KAT14: variants seen among roughly 807,000 people sequenced by gnomAD.
KAT14 encodes cysteine-rich protein 2-binding protein.
A neutral mutation model predicts 78.4 loss-of-function variants in KAT14; 66 were observed. That is an observed-to-expected ratio of 0.84 (90% CI 0.69 to 1.03). The LOEUF is 1.03. KAT14 is among the 50% of genes least tolerant of loss of function. The pLI is 0.00. For synonymous variants in KAT14, 344 were observed against 359.4 expected (o/e 0.96, Z 0.48); for missense variants, 870 against 972.5 (o/e 0.89, Z 1.40).
intron 1 of KAT14, 55 bp downstream of exon 1, chr20:18,138,106 G>A: frequency 2.0e-5 from 29 of 1,428,758 alleles, no homozygotes; most frequent in Non-Finnish European, 2.7e-5. Flanking sequence ...TCGACCTGGG[G>A]CCTCTCGTGG....
chr20:18,156,439 A>G (rs17803933), intron 4 of KAT14, among the ~76,000 whole-genome samples: 2,401 of 152,312 alleles, frequency 0.016, 36 homozygotes, highest in Admixed American at 0.039. Context: ...TATTGAGGCC[A>G]TTCATAAATA....
chr20:18,137,550 A>C (rs1185160266), upstream of KAT14, among the ~76,000 whole-genome samples: 1 of 152,186 alleles, frequency 6.6e-6, no homozygotes, highest in Non-Finnish European at 1.5e-5. Context: ...GGGGCTCAGA[A>C]GGGACGTCTG....
intron 4 of KAT14, among the ~76,000 whole-genome samples, chr20:18,155,109 T>C (rs572728223): frequency 1.1e-4 from 17 of 152,304 alleles, no homozygotes; most frequent in African/African-American, 4.1e-4. Flanking sequence ...GGTCTTGAAC[T>C]CCTGACCTCA....
At chr20:18,180,788 T>C (rs1324046168) in intron 7 of KAT14, among the ~76,000 whole-genome samples, 1 of 103,652 alleles carries the variant, frequency 9.6e-6, no homozygotes, top group Non-Finnish European at 2.3e-5. Flanking sequence ...TTGTGAGACT[T>C]ATTCACTACG....
At position 18,181,832 on chromosome 20, in the gene KAT14, G is replaced by A. The variant is rs756643472; in HGVS notation, c.1791G>A (p.Leu597=). The A allele has an allele frequency of 6.2e-7, 1 of 1,614,072 alleles. No homozygotes were observed. Among genetic ancestry groups the A allele is most frequent in the South Asian group, 1.1e-5 (1 of 91,074 alleles). Residue 597 remains leucine (L), a synonymous_variant, in exon 8 of 11, where the codon TTG becomes TTA. Coordinates refer to ENST00000688188, the MANE Select transcript of KAT14 (RefSeq NM_001392073.1). ...SIVSPYTSRI[L]KPYIRRDYET... is the part of the protein sequence containing the mutation. ...TCAGCCCTTATACCTCTCGGATCTTGAAACCTTATATCAGGTATATGGAGA... is the reference window on the plus strand; with the variant it reads ...TCAGCCCTTATACCTCTCGGATCTTAAAACCTTATATCAGGTATATGGAGA...
chr20:18,158,965 C>T, intron 4 of KAT14, 119 bp from the exon 5 acceptor site: 1 of 1,262,302 alleles, frequency 7.9e-7, no homozygotes, highest in East Asian at 2.7e-5. Flanking sequence ...GTGCTCTGCT[C>T]CTTCAGTAGC....
chr20:18,181,364 C>CTTTTTTTTTTTTTTTTTTT (rs762890490), intron 7 of KAT14, among the ~76,000 whole-genome samples: 1 of 106,800 alleles, frequency 9.4e-6, no homozygotes, highest in African/African-American at 3.7e-5. Flanking sequence ...AATTTTGTTT[C>CTTTTTTTTTTTTTTTTTTT]TTTTTTTTTT....
intron 7 of KAT14, among the ~76,000 whole-genome samples, chr20:18,178,971 T>TA (rs1441436779): frequency 6.6e-6 from 1 of 152,148 alleles, no homozygotes; most frequent in Non-Finnish European, 1.5e-5. Flanking sequence ...ATTGGGTAAA[T>TA]ACAGCAGTTC....
chr20:18,143,619 TTTTTTTTATTTTA>T (rs1204370417), intron 2 of KAT14, among the ~76,000 whole-genome samples: 1 of 122,730 alleles, frequency 8.1e-6, no homozygotes, highest in Non-Finnish European at 1.8e-5. Context: ...TGGCTAATTT[TTTTTTTTATTTTA>T]TTTTTTTTTT....
At position 18,159,679 on chromosome 20, in the gene KAT14, A is replaced by G. The variant is rs561381890; in HGVS notation, c.682+414A>G. On this transcript the variant is annotated intron_variant, in intron 5 of 10. Transcript: ENST00000688188. ...TCAGTACTTTTCCCCAACCTTCCCC[A>G]TTCTTACAATTGGATTATTTAGAAA... 1.7e-3 allele frequency among the ~76,000 whole-genome samples: 257 copies of G among 152,226 alleles called. 1 individual carries two copies. The highest frequency in any genetic ancestry group is 5.9e-3 in the African/African-American group (245 of 41,550).
intron 4 of KAT14, among the ~76,000 whole-genome samples, chr20:18,155,628 C>A (rs954999775): frequency 1.3e-5 from 2 of 152,118 alleles, no homozygotes; most frequent in African/African-American, 4.8e-5. Context: ...GGCCAATAAG[C>A]ACATCAAAAG....
rs576784535 is a variant in KAT14, at chr20:18,140,625, C to T, written c.-453-1583C>T. On this transcript the variant is annotated intron_variant, in intron 1 of 10. Coordinates refer to ENST00000688188, the MANE Select transcript of KAT14 (RefSeq NM_001392073.1). ...AGGAGTTCGAGACCAGCCTGGCCAA[C>T]GTGGTGAAACCCCGTCTCTACTAAA... 1.3e-4 allele frequency among the ~76,000 whole-genome samples: 20 copies of T among 151,772 alleles called. No individual in the cohort carries two copies. In the East Asian group the frequency reaches 2.3e-3, roughly 18 times the overall value.
chr20:18,179,308 G>C (rs1047662156), intron 7 of KAT14, among the ~76,000 whole-genome samples: 1 of 152,214 alleles, frequency 6.6e-6, no homozygotes, highest in Non-Finnish European at 1.5e-5. Flanking sequence ...CACTGCCCCA[G>C]TAGGGACTCT....
chr20:18,142,438 A>C lies in KAT14; in HGVS notation c.-223A>C. On this transcript the variant is annotated 5_prime_UTR_variant, in exon 2 of 11. Transcript: ENST00000688188. Reference sequence around the variant, plus strand: ...TGGAGAGTAGCTTAGTAGTATCTTCATCTTTTTTTTTGGTCACTGTCCTTT... The same window carrying C: ...TGGAGAGTAGCTTAGTAGTATCTTCCTCTTTTTTTTTGGTCACTGTCCTTT... 1 of 1,421,116 alleles carries C rather than the reference A, an allele frequency of 7.0e-7. No individual in the cohort carries two copies. The allele number at this position is 1,421,116 out of a possible 1,614,324, so 88.0% of individuals were successfully genotyped here. A position where few individuals can be genotyped will look rare whatever the true frequency, so the allele number is the denominator to read the frequency against.
At chr20:18,152,966 T>C (rs2038102785) in intron 4 of KAT14, among the ~76,000 whole-genome samples, 1 of 152,220 alleles carries the variant, frequency 6.6e-6, no homozygotes, top group Non-Finnish European at 1.5e-5. Flanking sequence ...AAGACTTTTA[T>C]TGCTCTTGGG....
intron 1 of KAT14, among the ~76,000 whole-genome samples, chr20:18,139,675 T>TG (rs1568660988): frequency 1.3e-4 from 13 of 103,738 alleles, no homozygotes; most frequent in East Asian, 7.9e-4. Flanking sequence ...TGTGTGTGTG[T>TG]TTATTTTTTT....
rs554625501 is a variant in KAT14, at chr20:18,159,360, C to T, written c.682+95C>T. 144 of 1,418,416 alleles carry T rather than the reference C, an allele frequency of 1.0e-4. 1 individual carries two copies. The East Asian group carries it at 3.2e-3, about 32-fold the overall frequency. The allele number at this position is 1,418,416 out of a possible 1,614,324, so 87.9% of individuals were successfully genotyped here. ...GCTCCTGCTTCCACTGGGCATGGCTCGCAGGCCTCTCTGGAGCTACTCTGT... is the reference window on the plus strand; with the variant it reads ...GCTCCTGCTTCCACTGGGCATGGCTTGCAGGCCTCTCTGGAGCTACTCTGT... On this transcript the variant is annotated intron_variant, in intron 5 of 10. Transcript: ENST00000688188.
In KAT14 at chr20:18,144,084, G is replaced by C. The variant is rs145943440; in HGVS notation, c.260-1149G>C. ...GGAATGCCTTTGTGTAATATAATTTGTAACCAAGTCAGAGAAATACATATA... is the reference window on the plus strand; with the variant it reads ...GGAATGCCTTTGTGTAATATAATTTCTAACCAAGTCAGAGAAATACATATA... On this transcript the variant is annotated intron_variant, in intron 2 of 10. Coordinates refer to ENST00000688188, the MANE Select transcript of KAT14 (RefSeq NM_001392073.1). Among the ~76,000 whole-genome samples, 747 of 152,328 alleles carry C rather than the reference G, an allele frequency of 4.9e-3. 8 individuals carry two copies. Among genetic ancestry groups the C allele is most frequent in the African/African-American group, 0.017 (688 of 41,576 alleles).
intron 2 of KAT14, among the ~76,000 whole-genome samples, chr20:18,144,844 C>T (rs2037762723): frequency 6.6e-6 from 1 of 152,194 alleles, no homozygotes; most frequent in Non-Finnish European, 1.5e-5. Context: ...AGATCAGGCA[C>T]CATTATCTGT....
Sources: allele counts gnomAD v4.1 joint callset (sites outside exome capture counted in the v4.1 genomes callset), GRCh38; gene constraint gnomAD v4.1.1; transcripts MANE v1.5; gene names NCBI Gene and HGNC (gene_info 2026-07-23, HGNC 2026-07-21).